The following ULK4 variants were observed in gnomAD, a reference collection of about 807,000 sequenced individuals.
The protein encoded by ULK4 is inactive serine/threonine-protein kinase ULK4.
Under a neutral mutation model 160.6 loss-of-function variants are expected in ULK4, and 133 were observed. The ratio of observed to expected loss-of-function variants is 0.83; its 90% CI spans 0.72 to 0.96. ULK4 has a LOEUF of 0.96. Ranked by LOEUF, ULK4 falls within the 40% of genes least tolerant of loss-of-function variation. The pLI is 0.00. For missense variants in ULK4, 1,580 were observed against 1,499.5 expected (o/e 1.05, Z -0.89); for synonymous variants, 534 against 539.8 (o/e 0.99, Z 0.15).
intron 32 of ULK4, among the ~76,000 whole-genome samples, chr3:41,548,953 AATC>A (rs1173491496): frequency 6.6e-6 from 1 of 152,148 alleles, no homozygotes; most frequent in Non-Finnish European, 1.5e-5. Context: ...CAGCCAAAGA[AATC>A]ATAAAGATAC....
At chr3:41,420,831 C>T (rs1269884365) in intron 34 of ULK4, among the ~76,000 whole-genome samples, 7 of 147,484 alleles carry the variant, frequency 4.7e-5, no homozygotes, top group East Asian at 2.1e-4. Context: ...AAAAAAAAGC[C>T]GGCCAGACGC....
intron 32 of ULK4, among the ~76,000 whole-genome samples, chr3:41,510,933 C>T (rs144416210): frequency 0.012 from 1,883 of 151,960 alleles, 28 homozygotes; most frequent in Non-Finnish European, 0.019. Context: ...GAGGCTGAGG[C>T]GGGTGGATCA....
intron 34 of ULK4, among the ~76,000 whole-genome samples, chr3:41,451,999 C>T (rs978705604): frequency 1.3e-5 from 2 of 151,984 alleles, no homozygotes; most frequent in African/African-American, 4.8e-5. Flanking sequence ...CCTCAAATAC[C>T]AACAAAAACT....
chr3:41,813,814 T>C (rs910139892), intron 19 of ULK4, among the ~76,000 whole-genome samples: 2 of 152,224 alleles, frequency 1.3e-5, no homozygotes, highest in Non-Finnish European at 2.9e-5. Flanking sequence ...GTGGGCAACG[T>C]GTGTGGAACA....
chr3:41,773,000 G>A (rs999872775), intron 21 of ULK4, among the ~76,000 whole-genome samples: 62 of 152,218 alleles, frequency 4.1e-4, no homozygotes, highest in African/African-American at 1.4e-3. Flanking sequence ...TGCAGAAAAG[G>A]TCTTTGACAA....
intron 2 of ULK4, among the ~76,000 whole-genome samples, chr3:41,950,532 C>T (rs577464844): frequency 1.1e-4 from 16 of 151,814 alleles, no homozygotes; most frequent in Non-Finnish European, 2.1e-4. Flanking sequence ...CATGAGCCAC[C>T]GCGCCTGGCC....
In ULK4 at chr3:41,675,774, T is replaced by C. The variant is rs538012709; in HGVS notation, c.2978+5734A>G. On this transcript the variant is annotated intron_variant, in intron 29 of 36. Coordinates refer to ENST00000301831, the MANE Select transcript of ULK4 (RefSeq NM_017886.4). ...GAGTGATACCACTACAAACCAAATA[T>C]CACTTGCAGACATCAGAGGCACAGA... 1.2e-4 allele frequency among the ~76,000 whole-genome samples: 19 copies of C among 152,050 alleles called. No individual in the cohort carries two copies. The South Asian group carries it at 3.3e-3, about 27-fold the overall frequency.
chr3:41,547,246 G>A (rs1241511397), intron 32 of ULK4, among the ~76,000 whole-genome samples: 1 of 152,196 alleles, frequency 6.6e-6, no homozygotes, highest in Middle Eastern at 3.2e-3. Context: ...ATATCTGGGA[G>A]GATTTCAAGA....
intron 2 of ULK4, among the ~76,000 whole-genome samples, chr3:41,942,946 G>A (rs1700003439): frequency 6.6e-6 from 1 of 152,076 alleles, no homozygotes; most frequent in African/African-American, 2.4e-5. Context: ...GGGCACGGTG[G>A]CTCAGGCCTG....
chr3:41,783,994 C>T (rs992774162), intron 21 of ULK4, among the ~76,000 whole-genome samples: 1 of 152,142 alleles, frequency 6.6e-6, no homozygotes, highest in Non-Finnish European at 1.5e-5. Context: ...ACCTAACCTA[C>T]AAGATTTTTT....
At chr3:41,733,566 AT>A (rs2037907908) in intron 22 of ULK4, among the ~76,000 whole-genome samples, 1 of 152,000 alleles carries the variant, frequency 6.6e-6, no homozygotes, top group African/African-American at 2.4e-5. Context: ...AATAAATTAA[AT>A]ATTTATAAAA....
At chr3:41,894,296 T>A (rs1698076058) in intron 16 of ULK4, among the ~76,000 whole-genome samples, 1 of 152,222 alleles carries the variant, frequency 6.6e-6, no homozygotes, top group Non-Finnish European at 1.5e-5. Context: ...TATTAAATAC[T>A]CAACCATTAC....
At chr3:41,511,390 AGTGAGATT>A (rs1335902751) in intron 32 of ULK4, among the ~76,000 whole-genome samples, 2 of 152,160 alleles carry the variant, frequency 1.3e-5, no homozygotes, top group African/African-American at 4.8e-5. Context: ...ATAGACCATT[AGTGAGATT>A]AACCAAGAAA....
intron 18 of ULK4, among the ~76,000 whole-genome samples, chr3:41,830,534 A>G (rs936083642): frequency 1.3e-5 from 2 of 152,138 alleles, no homozygotes; most frequent in East Asian, 1.9e-4. Flanking sequence ...AGGTGTATAC[A>G]TAAATGAACA....
chr3:41,572,702 C>T (rs1417737242), intron 31 of ULK4, among the ~76,000 whole-genome samples: 2 of 149,528 alleles, frequency 1.3e-5, no homozygotes, highest in African/African-American at 4.9e-5. Flanking sequence ...GGAGGCGGAG[C>T]TTGCAATGGG....
chr3:41,257,707 G>A (rs912336409), intron 35 of ULK4, among the ~76,000 whole-genome samples: 2 of 151,578 alleles, frequency 1.3e-5, no homozygotes, highest in South Asian at 4.2e-4. Flanking sequence ...TTACCCAAGT[G>A]AATTGAAAAC....
chr3:41,891,466 A>AGTT (rs1407189082), intron 16 of ULK4, among the ~76,000 whole-genome samples: 1 of 151,118 alleles, frequency 6.6e-6, no homozygotes, highest in African/African-American at 2.4e-5. Context: ...GCTAACTCAA[A>AGTT]CAAGTCACAC....
At chr3:41,786,662 T>C (rs908631448) in intron 21 of ULK4, among the ~76,000 whole-genome samples, 5 of 152,046 alleles carry the variant, frequency 3.3e-5, no homozygotes, top group Non-Finnish European at 7.4e-5. Context: ...TTAATCTTTT[T>C]ATTAAAATAG....
Position 41,754,450 on chromosome 3 carries a change from G to C in ULK4, c.2232C>G (p.Pro744=). ...AGGCTTTTGCTCTAATGCATGTTGA[G>C]GGGCTGTCAAGTAAACGGATAATTG... is the stretch of plus-strand genomic sequence containing the variant. ...VSTIIRLLDS[P]STCIRAKAFL... is the part of the protein sequence containing the mutation. The change falls in exon 22 of 37, where the codon CCC becomes CCG. Residue 744 remains proline, a synonymous_variant. Coordinates refer to ENST00000301831, the MANE Select transcript of ULK4 (RefSeq NM_017886.4). 6.2e-7 allele frequency: 1 copy of C among 1,613,682 alleles called. No homozygotes were observed. Among genetic ancestry groups the C allele is most frequent in the Non-Finnish European group, 8.5e-7 (1 of 1,179,816 alleles).
Sources: gnomAD v4.1 joint callset for allele counts (sites outside exome capture counted in the v4.1 genomes callset) on GRCh38, gnomAD v4.1.1 for gene constraint, MANE v1.5 for transcripts, NCBI Gene and HGNC (gene_info 2026-07-23, HGNC 2026-07-21) for gene names.